The following PPL variants were observed in gnomAD, a reference collection of about 807,000 sequenced individuals.
PPL encodes periplakin.
PPL carries 198 observed loss-of-function variants against 194.4 expected under a neutral mutation model. That is an observed-to-expected ratio of 1.02 (90% CI 0.91 to 1.15). The LOEUF is 1.15. Among genes scored for constraint, PPL ranks in the 50% most tolerant of loss-of-function variants. The pLI, the probability that PPL is intolerant of heterozygous loss-of-function variation, is 0.00. For missense variants in PPL, 2,885 were observed against 2,294.8 expected (o/e 1.26, Z -5.25); for synonymous variants, 1,220 against 972.4 (o/e 1.25, Z -4.74).
At chr16:4,896,937 G>T (rs1452202639) in intron 9 of PPL, among the ~76,000 whole-genome samples, 2 of 151,856 alleles carry the variant, frequency 1.3e-5, no homozygotes, top group Admixed American at 6.6e-5. Context: ...GCCCAGCCAG[G>T]GTATAGGGTT....
intron 1 of PPL, among the ~76,000 whole-genome samples, chr16:4,912,841 T>C (rs182623604): frequency 1.3e-4 from 20 of 152,276 alleles, no homozygotes; most frequent in South Asian, 6.2e-4. Flanking sequence ...TGGTGGCTCA[T>C]ACCTGTAATC....
At chr16:4,921,399 G>A (rs999674755) in intron 1 of PPL, among the ~76,000 whole-genome samples, 1 of 152,186 alleles carries the variant, frequency 6.6e-6, no homozygotes, top group African/African-American at 2.4e-5. Context: ...GGGCCTGGGG[G>A]CCTCAGATGG....
chr16:4,901,740 G>A (rs1193935957), intron 4 of PPL, among the ~76,000 whole-genome samples: 1 of 150,758 alleles, frequency 6.6e-6, no homozygotes, highest in Non-Finnish European at 1.5e-5. Context: ...AGGAGTTTGA[G>A]ACCAGCCTGG....
rs768275155 is a variant in PPL, at chr16:4,887,228, C to G, written c.2515-1G>C. On this transcript the variant is annotated splice_acceptor_variant, in intron 20 of 21. Transcript: ENST00000345988. LOFTEE classifies it high-confidence loss of function. Reference sequence around the variant, plus strand: ...TGAACTTGGCGGCAAGTGCTGCTTCCTGCAGAGAAGAGGATTAGGAGAGCG... The same window carrying G: ...TGAACTTGGCGGCAAGTGCTGCTTCGTGCAGAGAAGAGGATTAGGAGAGCG... 3.7e-6 allele frequency: 6 copies of G among 1,612,232 alleles called. No individual in the cohort carries two copies. Among genetic ancestry groups the G allele is most frequent in the Non-Finnish European group, 5.1e-6 (6 of 1,178,440 alleles).
intron 1 of PPL, among the ~76,000 whole-genome samples, chr16:4,926,503 A>T (rs950886753): frequency 6.6e-5 from 10 of 152,216 alleles, no homozygotes; most frequent in Admixed American, 3.9e-4. Context: ...GCCCTCTCCC[A>T]AAAGATGAGT....
intron 1 of PPL, among the ~76,000 whole-genome samples, chr16:4,932,916 T>C (rs1250339139): frequency 6.6e-6 from 1 of 151,908 alleles, no homozygotes; most frequent in Non-Finnish European, 1.5e-5. Flanking sequence ...AGACATTAAG[T>C]GACTTGCCCA....
intron 2 of PPL, 66 bp from the exon 3 acceptor site, chr16:4,904,106 G>A (rs1596561660): frequency 1.3e-6 from 2 of 1,525,450 alleles, no homozygotes; most frequent in Non-Finnish European, 1.8e-6. Flanking sequence ...GCAATGGGAG[G>A]GGTGGGAGGA....
intron 1 of PPL, among the ~76,000 whole-genome samples, chr16:4,929,419 C>CCGCCAGCTGTGCCCCA (rs1357051968): frequency 6.6e-6 from 1 of 152,052 alleles, no homozygotes; most frequent in Admixed American, 6.6e-5. Flanking sequence ...GCTGTGCCCC[C>CCGCCAGCTGTGCCCCA]CGCCAGCTGT....
rs747701278 is a variant in PPL at position 4,890,288 on chromosome 16, G to A, written c.2209C>T (p.Arg737Cys). The change falls in exon 18 of 22, where the codon CGC becomes TGC. Residue 737 changes from arginine (R) to cysteine (C), a missense_variant. Physicochemically the swap from Arg to Cys is radical, Grantham distance 180. Transcript: ENST00000345988. ...AACTGCAGCACGTGGTCATGGCCGC[G>A]GTGGAAGTGCTCGTAGGCTGCCTTG... ...SAKAAYEHFH[R>C]GHDHVLQFLV... is the part of the protein sequence containing the mutation. 2.0e-5 allele frequency: 32 copies of A among 1,614,012 alleles called. No homozygotes were observed. In the East Asian group the frequency reaches 5.6e-4, roughly 28 times the overall value.
Position 4,885,236 on chromosome 16 carries a change from T to G in PPL, c.3419A>C (p.Glu1140Ala). Residue 1140 changes from glutamate (E) to alanine (A), a missense_variant, in exon 22 of 22, where the codon GAG (glutamate) becomes GCG (alanine). Glu to Ala is a moderately radical substitution (Grantham distance 107). Transcript: ENST00000345988. The surrounding 1 kb of genome is among the most constrained non-coding windows in gnomAD (Gnocchi z 6.3). ...CTGGCTAGCGCGAGCCTTGGCAGCC[T>G]CGTCCTCATATTGGCGGGTGAGATC... ...VSDLTRQYED[E>A]AAKARASQRE... 1 of 1,613,872 alleles carries G rather than the reference T, an allele frequency of 6.2e-7. No homozygotes were observed.
chr16:4,884,428 C>G lies in PPL; in HGVS notation c.4227G>C (p.Glu1409Asp), dbSNP rs377171991. 1.3e-5 allele frequency: 21 copies of G among 1,603,632 alleles called. No individual in the cohort carries two copies. The highest frequency in any genetic ancestry group is 1.8e-5 in the Non-Finnish European group (21 of 1,177,532). ...GCTCGGCCTCCCTGCGGGCCTGCCG[C>G]TCGCGCTCTAGCTCCTCCAGCTGCC... is the stretch of plus-strand genomic sequence containing the variant. The part of the protein sequence containing the change: ...LERQLEELER[E>D]RQARREAERE... Residue 1409 changes from glutamate to aspartate, a missense_variant, in exon 22 of 22, where the codon GAG (glutamate) becomes GAC (aspartate). By Grantham distance (45) the Glu-to-Asp change is conservative. Coordinates refer to ENST00000345988, the MANE Select transcript of PPL (RefSeq NM_002705.5). The surrounding 1 kb of genome is among the most constrained non-coding windows in gnomAD (Gnocchi z 5.7).
intron 1 of PPL, among the ~76,000 whole-genome samples, chr16:4,930,559 C>T (rs998876010): frequency 2.0e-5 from 3 of 152,176 alleles, no homozygotes; most frequent in Non-Finnish European, 2.9e-5. Flanking sequence ...ATTCAGCACG[C>T]GTGTAGCACC....
chr16:4,888,655 AGC>A, intron 19 of PPL: 1 of 373,490 alleles, frequency 2.7e-6, no homozygotes, highest in Non-Finnish European at 4.8e-6. Context: ...AGTCCTTTCC[AGC>A]GTACTAGTTT....
intron 2 of PPL, among the ~76,000 whole-genome samples, chr16:4,905,317 C>T (rs964515617): frequency 6.6e-5 from 10 of 152,314 alleles, no homozygotes; most frequent in African/African-American, 2.2e-4. Flanking sequence ...AGACGTTATT[C>T]AAAGGCAAAG....
chr16:4,914,037 G>T (rs866863688), intron 1 of PPL, among the ~76,000 whole-genome samples: 3 of 152,334 alleles, frequency 2.0e-5, no homozygotes, highest in African/African-American at 7.2e-5. Flanking sequence ...GGACAGCGGT[G>T]GTCACTGAAG....
Position 4,902,263 on chromosome 16 carries a change from G to A in PPL, c.438+143C>T. The A allele has an allele frequency of 7.6e-7, 1 of 1,323,196 alleles. No homozygotes were observed. Among genetic ancestry groups the A allele is most frequent in the Non-Finnish European group, 1.0e-6 (1 of 971,894 alleles). 82.0% of individuals were successfully genotyped at this position (1,323,196 alleles called of 1,614,324 possible). A position where few individuals can be genotyped will look rare whatever the true frequency, so the allele number is the denominator to read the frequency against. On this transcript the variant is annotated intron_variant, in intron 4 of 21. Coordinates refer to ENST00000345988, the MANE Select transcript of PPL (RefSeq NM_002705.5). This position sits in a 1 kb window ranked among gnomAD's most constrained non-coding sequence, Gnocchi z 4.0. ...CTTCTCTGAGCCTCACTCTTCTCAT[G>A]GGCACACTGGAAAACCATCAGGACC...
rs201312010 is a variant in PPL, at chr16:4,890,349, C to T, written c.2163-15G>A. On this transcript the variant is annotated splice_polypyrimidine_tract_variant and intron_variant, in intron 17 of 21. Coordinates refer to ENST00000345988, the MANE Select transcript of PPL (RefSeq NM_002705.5). ...GGCTCTGCGCCCTGTCAAGGCAAAG[C>T]GTTCAGGCCTCAGCCACAGCAAACA... is the stretch of plus-strand genomic sequence containing the variant. 1.9e-5 allele frequency: 30 copies of T among 1,594,874 alleles called. No homozygotes were observed. Among genetic ancestry groups the T allele is most frequent in the African/African-American group, 5.4e-5 (4 of 74,268 alleles).
chr16:4,904,929 G>C (rs1166200351), intron 2 of PPL, among the ~76,000 whole-genome samples: 1 of 152,184 alleles, frequency 6.6e-6, no homozygotes, highest in African/African-American at 2.4e-5. Flanking sequence ...TGAGTACAGG[G>C]CTTCTGTTCG....
At chr16:4,917,229 A>G (rs916359600) in intron 1 of PPL, among the ~76,000 whole-genome samples, 1 of 152,240 alleles carries the variant, frequency 6.6e-6, no homozygotes, top group African/African-American at 2.4e-5. Context: ...ATGATTCATA[A>G]TAGCCTTTTG....
Sources: allele counts gnomAD v4.1 joint callset (sites outside exome capture counted in the v4.1 genomes callset), GRCh38; gene constraint gnomAD v4.1.1; non-coding constraint Gnocchi (gnomAD v3.1); transcripts MANE v1.5; gene names NCBI Gene and HGNC (gene_info 2026-07-23, HGNC 2026-07-21).